STARD9: variants seen among roughly 807,000 people sequenced by gnomAD.
STARD9 encodes the protein stAR-related lipid transfer protein 9.
In STARD9, 346 loss-of-function variants were observed where a neutral mutation model predicts 399.8. The ratio of observed to expected loss-of-function variants is 0.87; its 90% confidence interval spans 0.79 to 0.95. The LOEUF is 0.95. Ranked by LOEUF, STARD9 falls within the 40% of genes least tolerant of loss-of-function variation. The pLI is 0.00. For synonymous variants in STARD9, 2,203 were observed against 2,143.5 expected, an observed-to-expected ratio of 1.03 and a Z score of -0.77; for missense variants, 5,832 against 5,667.5, an observed-to-expected ratio of 1.03 and a Z score of -0.93.
chr15:42,689,244 A>C lies in STARD9; in HGVS notation c.7666A>C (p.Arg2556=), dbSNP rs1273879212. ...SMCLAILEEI[R]QAKAQRKQLH... Reference sequence around the variant, plus strand: ...GTGCCTGGCCATCTTGGAGGAGATCAGACAGGCAAAGGCCCAGAGAAAGCA... The same window carrying C: ...GTGCCTGGCCATCTTGGAGGAGATCCGACAGGCAAAGGCCCAGAGAAAGCA... Residue 2556 remains arginine, a synonymous_variant, in exon 23 of 33, where the codon AGA becomes CGA. Coordinates refer to ENST00000290607, the MANE Select transcript of STARD9 (RefSeq NM_020759.3). The C allele has an allele frequency of 2.0e-6, 3 of 1,537,310 alleles. No individual in the cohort carries two copies. In the Admixed American group the frequency reaches 5.9e-5, roughly 30 times the overall value.
intron 26 of STARD9, among the ~76,000 whole-genome samples, chr15:42,715,520 A>ATT (rs61683241): frequency 0.061 from 8,709 of 143,728 alleles, 607 homozygotes; most frequent in African/African-American, 0.18. Flanking sequence ...GTCTTTACAA[A>ATT]TTTTTTTTTT....
intron 3 of STARD9, among the ~76,000 whole-genome samples, chr15:42,608,455 T>C (rs2058782199): frequency 6.6e-6 from 1 of 152,216 alleles, no homozygotes. Flanking sequence ...TCAGCTCCCT[T>C]GCTTCTCTTA....
chr15:42,605,603 C>G (rs985705769), intron 3 of STARD9, among the ~76,000 whole-genome samples: 1 of 152,192 alleles, frequency 6.6e-6, no homozygotes, highest in African/African-American at 2.4e-5. Context: ...TGCTTCTCTT[C>G]CTAGAAGTGG....
In STARD9 at chr15:42,695,780, C is replaced by T. The variant is rs777464586; in HGVS notation, c.13184C>T (p.Ser4395Phe). 5 of 1,537,270 alleles carry T rather than the reference C, an allele frequency of 3.3e-6. No individual in the cohort carries two copies. The South Asian group carries it at 4.8e-5, about 15-fold the overall frequency. Residue 4395 changes from serine (S) to phenylalanine (F), a missense_variant, in exon 26 of 33, where the codon TCC (serine) becomes TTC (phenylalanine). Around this residue, in one of 2 missense-constraint regions of STARD9, gnomAD observed 5,828 missense variants for 5,651.1 expected, o/e 1.03. Coordinates refer to ENST00000290607, the MANE Select transcript of STARD9 (RefSeq NM_020759.3). Reference sequence around the variant, plus strand: ...CTACATACCTTGGCCAATTCCAGCTCCCTGTGCACCAGCTCTAATGGAAGC... The same window carrying T: ...CTACATACCTTGGCCAATTCCAGCTTCCTGTGCACCAGCTCTAATGGAAGC... ...DKLHTLANSS[S>F]LCTSSNGSLS...
At position 42,694,613 on chromosome 15, in the gene STARD9, A is replaced by G; in HGVS notation, c.12850A>G (p.Lys4284Glu). Residue 4284 changes from lysine to glutamate, a missense_variant, in exon 24 of 33, where the codon AAA (lysine) becomes GAA (glutamate). Coordinates refer to ENST00000290607, the MANE Select transcript of STARD9 (RefSeq NM_020759.3). ...FCRTRSLSPQ[K>E]QLSLLPNKDL... ...CCGGACGCGAAGCCTTAGCCCTCAG[A>G]AACAACTGAGCCTCCTGCCCAACAA... is the stretch of plus-strand genomic sequence containing the variant. The G allele has an allele frequency of 1.3e-6, 2 of 1,537,248 alleles. No individual in the cohort carries two copies. Among genetic ancestry groups the G allele is most frequent in the Non-Finnish European group, 1.7e-6 (2 of 1,146,908 alleles).
chr15:42,637,598 T>G (rs1358054436), intron 4 of STARD9, among the ~76,000 whole-genome samples: 1 of 152,182 alleles, frequency 6.6e-6, no homozygotes, highest in African/African-American at 2.4e-5. Flanking sequence ...ATTGGTAAAG[T>G]GTTTTTATCC....
chr15:42,676,639 T>C (rs576700009), intron 20 of STARD9, among the ~76,000 whole-genome samples: 1 of 152,232 alleles, frequency 6.6e-6, no homozygotes, highest in Non-Finnish European at 1.5e-5. Flanking sequence ...TTCATCCGTT[T>C]CTACATAAAA....
At chr15:42,652,271 T>TA (rs201923100) in intron 8 of STARD9, among the ~76,000 whole-genome samples, 26 of 148,280 alleles carry the variant, frequency 1.8e-4, no homozygotes, top group Middle Eastern at 3.4e-3. Context: ...TTCTATTGCT[T>TA]AAAAAAAAAA....
At chr15:42,587,957 C>G (rs993494559) in intron 3 of STARD9, among the ~76,000 whole-genome samples, 2 of 152,120 alleles carry the variant, frequency 1.3e-5, no homozygotes, top group Non-Finnish European at 2.9e-5. Flanking sequence ...CCAAGAAGAA[C>G]CAGCAAAGTA....
chr15:42,696,017 T>A (rs1566954132), intron 26 of STARD9, 137 bp downstream of exon 26: 4 of 857,398 alleles, frequency 4.7e-6, no homozygotes, highest in African/African-American at 1.7e-5. Flanking sequence ...GCCCTTCTTA[T>A]GTGCAGGCCT....
chr15:42,673,562 T>C lies in STARD9; in HGVS notation c.1498-878T>C, dbSNP rs1379414801. ...CTCAGGCAGTTTATCCCCTGTGAGC[T>C]TCAGATTCCTCATCAATAAAAAGGA... On this transcript the variant is annotated intron_variant, in intron 16 of 32. Coordinates refer to ENST00000290607, the MANE Select transcript of STARD9 (RefSeq NM_020759.3). 9.9e-5 allele frequency among the ~76,000 whole-genome samples: 15 copies of C among 152,202 alleles called. 1 individual carries two copies. The highest frequency in any genetic ancestry group is 9.8e-4 in the Admixed American group (15 of 15,274).
chr15:42,692,775 G>A lies in STARD9; in HGVS notation c.11197G>A (p.Asp3733Asn). ...MMDGSTQTTVDEGSQTDLTLP... is the reference protein window; with the variant it reads ...MMDGSTQTTVNEGSQTDLTLP... Reference sequence around the variant, plus strand: ...GGATGGCTCTACTCAGACCACTGTGGATGAGGGCAGCCAGACTGACCTCAC... The same window carrying A: ...GGATGGCTCTACTCAGACCACTGTGAATGAGGGCAGCCAGACTGACCTCAC... The change falls in exon 23 of 33, where the codon GAT (aspartate) becomes AAT (asparagine). Residue 3733 changes from aspartate (D) to asparagine (N), a missense_variant. By Grantham distance (23) the Asp-to-Asn change is conservative. Around this residue, in one of 2 missense-constraint regions of STARD9, gnomAD observed 5,828 missense variants for 5,651.1 expected, o/e 1.03. Transcript: ENST00000290607. 1 of 1,537,120 alleles carries A rather than the reference G, an allele frequency of 6.5e-7. No homozygotes were observed.
In STARD9 at chr15:42,719,616, G is replaced by T; in HGVS notation, c.*42G>T. 1.5e-6 allele frequency: 2 copies of T among 1,306,426 alleles called. No homozygotes were observed. Among genetic ancestry groups the T allele is most frequent in the Non-Finnish European group, 1.1e-6 (1 of 938,464 alleles). The allele number at this position is 1,306,426 out of a possible 1,614,324, so 80.9% of individuals were successfully genotyped here. ...TGGTGCTGCTGAGATGCAGGCCCAG[G>T]CTGCTCAAGAGAGACACTGTGGCAG... On this transcript the variant is annotated 3_prime_UTR_variant, in exon 33 of 33. Coordinates refer to ENST00000290607, the MANE Select transcript of STARD9 (RefSeq NM_020759.3).
chr15:42,641,015 A>G (rs962528599), intron 7 of STARD9, among the ~76,000 whole-genome samples: 2 of 152,172 alleles, frequency 1.3e-5, no homozygotes, highest in African/African-American at 4.8e-5. Flanking sequence ...TTGGAAGAGA[A>G]GAATGGAACA....
rs1197770060 is a variant in STARD9, at chr15:42,717,978, T to A, written c.13561T>A (p.Tyr4521Asn). The change falls in exon 30 of 33, where the codon TAT becomes AAT. Residue 4521 changes from tyrosine to asparagine, a missense_variant and splice_region_variant. By Grantham distance (143) the Tyr-to-Asn change is moderately radical (BLOSUM62 -2). Coordinates refer to ENST00000290607, the MANE Select transcript of STARD9 (RefSeq NM_020759.3). ...FSCQATAGWN[Y>N]QGEEQAVQLY... is the part of the protein sequence containing the mutation. Reference sequence around the variant, plus strand: ...TCTGTGCTTGGTGTCTCCCCCCAGCTATCAGGGTGAGGAGCAGGCGGTGCA... The same window carrying A: ...TCTGTGCTTGGTGTCTCCCCCCAGCAATCAGGGTGAGGAGCAGGCGGTGCA... The A allele has an allele frequency of 6.5e-7, 1 of 1,537,048 alleles. No homozygotes were observed. The highest frequency in any genetic ancestry group is 2.4e-5 in the East Asian group (1 of 40,920).
intron 3 of STARD9, among the ~76,000 whole-genome samples, chr15:42,614,906 A>G (rs892060990): frequency 1.3e-5 from 2 of 152,108 alleles, no homozygotes; most frequent in African/African-American, 4.8e-5. Flanking sequence ...CGGAGGTTGC[A>G]GTGAGCTGAG....
chr15:42,631,693 CTT>C (rs1167932123), intron 3 of STARD9, among the ~76,000 whole-genome samples: 1 of 151,950 alleles, frequency 6.6e-6, no homozygotes, highest in Admixed American at 6.6e-5. Flanking sequence ...CAAAATTCCT[CTT>C]GTTATTGATT....
At chr15:42,593,690 G>C (rs1405405727) in intron 3 of STARD9, among the ~76,000 whole-genome samples, 1 of 105,128 alleles carries the variant, frequency 9.5e-6, no homozygotes, top group South Asian at 3.4e-4. Context: ...TTGAGACAGA[G>C]TCTCACTCTG....
rs1174472660 is a variant in STARD9 at position 42,717,807 on chromosome 15, T to C, written c.13559+12T>C. The C allele has an allele frequency of 1.3e-6, 2 of 1,536,818 alleles. No homozygotes were observed. Among genetic ancestry groups the C allele is most frequent in the Non-Finnish European group, 1.7e-6 (2 of 1,146,666 alleles). Reference sequence around the variant, plus strand: ...ACTGCTGGCTGGAAGTAAGTTTGTTTAGGGTCCTTTGTACAGTGTCTGTCT... The same window carrying C: ...ACTGCTGGCTGGAAGTAAGTTTGTTCAGGGTCCTTTGTACAGTGTCTGTCT... On this transcript the variant is annotated intron_variant, in intron 29 of 32. Coordinates refer to ENST00000290607, the MANE Select transcript of STARD9 (RefSeq NM_020759.3).
Sources: gnomAD v4.1 joint callset for allele counts (sites outside exome capture counted in the v4.1 genomes callset) on GRCh38, gnomAD v4.1.1 for gene constraint, gnomAD v4.1.1 regional missense constraint, MANE v1.5 for transcripts, NCBI Gene and HGNC (gene_info 2026-07-23, HGNC 2026-07-21) for gene names.